Variants in PCDHGB7 observed in about 807,000 individuals in gnomAD.
PCDHGB7 encodes the protein protocadherin gamma-B7.
In PCDHGB7, 37 loss-of-function variants were observed where a neutral mutation model predicts 61.4. That is an observed-to-expected ratio of 0.60 (90% confidence interval 0.46 to 0.79). The LOEUF (loss-of-function observed/expected upper bound fraction) is 0.79. PCDHGB7 is among the 30% of genes least tolerant of loss of function. PCDHGB7 has a pLI of 0.00. For synonymous variants in PCDHGB7, 464 were observed against 503.5 expected, an observed-to-expected ratio of 0.92 and a Z score of 1.05; for missense variants, 1,166 against 1,202.5, an observed-to-expected ratio of 0.97 and a Z score of 0.45.
chr5:141,495,005 CG>C (rs2099758180), intron 2 of PCDHGB7, 140 bp downstream of exon 2: 2 of 1,522,694 alleles, frequency 1.3e-6, no homozygotes, highest in African/African-American at 1.4e-5. Context: ...TCTTGGTGTG[CG>C]GGGGGCTGGC....
Position 141,485,754 on chromosome 5 carries a change from T to A in PCDHGB7, c.2416-9053T>A, listed in dbSNP as rs770807249. ...AGCGACGGCAGCCTGGTCCCAGAGC[T>A]GCTCCTGGAGAAGCCTTTGGATCGA... On this transcript the variant is annotated intron_variant, in intron 1 of 3. Transcript: ENST00000398594. This position sits in a 1 kb window ranked among gnomAD's most constrained non-coding sequence, Gnocchi z 5.7. 1 of 1,614,236 alleles carries A rather than the reference T, an allele frequency of 6.2e-7. No individual in the cohort carries two copies. The highest frequency in any genetic ancestry group is 8.5e-7 in the Non-Finnish European group (1 of 1,180,044).
intron 1 of PCDHGB7, among the ~76,000 whole-genome samples, chr5:141,483,618 C>T (rs1441906179): frequency 6.6e-6 from 1 of 151,536 alleles, no homozygotes; most frequent in Non-Finnish European, 1.5e-5. Flanking sequence ...TCCATCATTC[C>T]CATGGGAGAA....
chr5:141,429,697 C>T (rs2097236349), intron 1 of PCDHGB7, among the ~76,000 whole-genome samples: 1 of 152,134 alleles, frequency 6.6e-6, no homozygotes, highest in African/African-American at 2.4e-5. Context: ...AATATCTTTA[C>T]AGTATAAATA....
intron 1 of PCDHGB7, among the ~76,000 whole-genome samples, chr5:141,469,187 G>T (rs147209381): frequency 5.9e-5 from 9 of 151,588 alleles, no homozygotes; most frequent in African/African-American, 1.9e-4. Context: ...GAGGCAAGAG[G>T]ATTGCTTGAG....
At position 141,489,193 on chromosome 5, in the gene PCDHGB7, G is replaced by A; in HGVS notation, c.2416-5614G>A. The A allele has an allele frequency of 2.2e-6, 3 of 1,369,230 alleles. No individual in the cohort carries two copies. Among genetic ancestry groups the A allele is most frequent in the Non-Finnish European group, 3.0e-6 (3 of 1,000,290 alleles). 84.8% of individuals were successfully genotyped at this position (1,369,230 alleles called of 1,614,324 possible). On this transcript the variant is annotated intron_variant, in intron 1 of 3. Coordinates refer to ENST00000398594, the MANE Select transcript of PCDHGB7 (RefSeq NM_018927.4). The surrounding 1 kb of genome is among the most constrained non-coding windows in gnomAD (Gnocchi z 4.5). ...GCATTCCAAGCCCTGGGTCTACCTT[G>A]GAGACAGGACAGCACAGACTTACTC...
chr5:141,486,019 T>C lies in PCDHGB7; in HGVS notation c.2416-8788T>C, dbSNP rs2078071. 3.2e-3 allele frequency: 5,143 copies of C among 1,613,986 alleles called. 141 individuals carry two copies. In the South Asian group the frequency reaches 0.046, roughly 14 times the overall value. ...GTGGTAACGTCACCTTTTATTTCAG[T>C]GGTCATACCCCTGATCGTGTAAGAA... On this transcript the variant is annotated intron_variant, in intron 1 of 3. Transcript: ENST00000398594. The surrounding 1 kb of genome is among the most constrained non-coding windows in gnomAD (Gnocchi z 5.0).
chr5:141,491,560 T>C lies in PCDHGB7; in HGVS notation c.2416-3247T>C. 1 of 1,613,986 alleles carries C rather than the reference T, an allele frequency of 6.2e-7. No homozygotes were observed. Among genetic ancestry groups the C allele is most frequent in the Non-Finnish European group, 8.5e-7 (1 of 1,180,026 alleles). ...GCCCACAGACTCGCAGAGCCACTGCTACAGGACGTGCTTTTCACCGGCCTC... is the reference window on the plus strand; with the variant it reads ...GCCCACAGACTCGCAGAGCCACTGCCACAGGACGTGCTTTTCACCGGCCTC... On this transcript the variant is annotated intron_variant, in intron 1 of 3. Coordinates refer to ENST00000398594, the MANE Select transcript of PCDHGB7 (RefSeq NM_018927.4). This position sits in a 1 kb window ranked among gnomAD's most constrained non-coding sequence, Gnocchi z 6.9.
chr5:141,499,414 T>C (rs543824206), intron 2 of PCDHGB7, among the ~76,000 whole-genome samples: 1 of 151,804 alleles, frequency 6.6e-6, no homozygotes, highest in Non-Finnish European at 1.5e-5. Context: ...TATAGAAACA[T>C]GAAAAATAGA....
chr5:141,430,707 C>T, intron 1 of PCDHGB7: 2 of 1,478,562 alleles, frequency 1.4e-6, no homozygotes, highest in Non-Finnish European at 9.0e-7. Flanking sequence ...GGAACTGCTC[C>T]TGACTTCAGT....
chr5:141,508,540 G>A (rs993826709), intron 3 of PCDHGB7, among the ~76,000 whole-genome samples: 3 of 152,144 alleles, frequency 2.0e-5, no homozygotes, highest in African/African-American at 4.8e-5. Flanking sequence ...CCCCCCACGA[G>A]GTGGGCGGGG....
intron 1 of PCDHGB7, chr5:141,427,830 C>G (rs749612858): frequency 7.8e-6 from 12 of 1,538,206 alleles, no homozygotes; most frequent in Non-Finnish European, 1.1e-5. Context: ...GGTCGCGCAG[C>G]GTGCCTTCGA....
chr5:141,489,776 C>T lies in PCDHGB7; in HGVS notation c.2416-5031C>T. The T allele has an allele frequency of 6.2e-7, 1 of 1,614,202 alleles. No homozygotes were observed. Among genetic ancestry groups the T allele is most frequent in the Non-Finnish European group, 8.5e-7 (1 of 1,180,020 alleles). On this transcript the variant is annotated intron_variant, in intron 1 of 3. Transcript: ENST00000398594. This position sits in a 1 kb window ranked among gnomAD's most constrained non-coding sequence, Gnocchi z 4.5. ...ACTCTAAGCCCCAACAGCCACTTCT[C>T]TCTGAATGTGAAGACCCTAAAAGAT...
In PCDHGB7 at chr5:141,490,706, T is replaced by C. The variant is rs777636562; in HGVS notation, c.2416-4101T>C. On this transcript the variant is annotated intron_variant, in intron 1 of 3. Coordinates refer to ENST00000398594, the MANE Select transcript of PCDHGB7 (RefSeq NM_018927.4). This position sits in a 1 kb window ranked among gnomAD's most constrained non-coding sequence, Gnocchi z 5.4. ...CCAGACACTGGGGATAATGCCCGCC[T>C]CACCTACTCCATTGTAGGAAATCAG... is the stretch of plus-strand genomic sequence containing the variant. The C allele has an allele frequency of 6.2e-7, 1 of 1,614,074 alleles. No homozygotes were observed. Among genetic ancestry groups the C allele is most frequent in the African/African-American group, 1.3e-5 (1 of 74,948 alleles).
At chr5:141,455,874 T>C (rs2098834969) in intron 1 of PCDHGB7, among the ~76,000 whole-genome samples, 1 of 146,458 alleles carries the variant, frequency 6.8e-6, no homozygotes, top group South Asian at 2.1e-4. Flanking sequence ...TTTATTTATT[T>C]ATTTATTTAT....
intron 1 of PCDHGB7, chr5:141,423,971 G>T: frequency 8.8e-7 from 1 of 1,136,014 alleles, no homozygotes; most frequent in Non-Finnish European, 1.1e-6. Context: ...TCTATTATCA[G>T]TGTATGAGGC....
At position 141,485,443 on chromosome 5, in the gene PCDHGB7, C is replaced by A. The variant is rs2099613637; in HGVS notation, c.2416-9364C>A. 5 of 1,614,054 alleles carry A rather than the reference C, an allele frequency of 3.1e-6. No individual in the cohort carries two copies. The East Asian group carries it at 6.7e-5, about 22-fold the overall frequency. ...GAGCCCTGCTCATCAAGAACCCAAT[C>A]GACCGAGAGGCACTGTGTGGGCTCA... On this transcript the variant is annotated intron_variant, in intron 1 of 3. Coordinates refer to ENST00000398594, the MANE Select transcript of PCDHGB7 (RefSeq NM_018927.4). This position sits in a 1 kb window ranked among gnomAD's most constrained non-coding sequence, Gnocchi z 5.7.
chr5:141,487,802 C>T lies in PCDHGB7; in HGVS notation c.2416-7005C>T, dbSNP rs765438219. The T allele has an allele frequency of 9.5e-6, 14 of 1,477,306 alleles. No individual in the cohort carries two copies. The South Asian group carries it at 1.7e-4, about 18-fold the overall frequency. 91.5% of individuals were successfully genotyped at this position (1,477,306 alleles called of 1,614,324 possible). A position where few individuals can be genotyped will look rare whatever the true frequency, so the allele number is the denominator to read the frequency against. ...TTTCGTGAATTAACCAGAGTTGTCACAGTTTAGCATTGGGGGCGGGTCATG... is the reference window on the plus strand; with the variant it reads ...TTTCGTGAATTAACCAGAGTTGTCATAGTTTAGCATTGGGGGCGGGTCATG... On this transcript the variant is annotated intron_variant, in intron 1 of 3. Transcript: ENST00000398594. The surrounding 1 kb of genome is among the most constrained non-coding windows in gnomAD (Gnocchi z 5.0).
intron 2 of PCDHGB7, among the ~76,000 whole-genome samples, chr5:141,500,779 T>C (rs1222392685): frequency 1.3e-5 from 2 of 152,238 alleles, no homozygotes; most frequent in Non-Finnish European, 2.9e-5. Context: ...TGAATATACA[T>C]ATTATTTTAC....
chr5:141,493,179 T>C lies in PCDHGB7; in HGVS notation c.2416-1628T>C, dbSNP rs1208502829. 6.6e-6 allele frequency among the ~76,000 whole-genome samples: 1 copy of C among 152,230 alleles called. No homozygotes were observed. Among genetic ancestry groups the C allele is most frequent in the Non-Finnish European group, 1.5e-5 (1 of 68,040 alleles). On this transcript the variant is annotated intron_variant, in intron 1 of 3. Coordinates refer to ENST00000398594, the MANE Select transcript of PCDHGB7 (RefSeq NM_018927.4). This position sits in a 1 kb window ranked among gnomAD's most constrained non-coding sequence, Gnocchi z 4.3. ...TGATAGCTGATTGAGAGAAACTTAC[T>C]ATATAACTCCTTTGAGAACCTCATC...
Sources: allele counts gnomAD v4.1 joint callset (sites outside exome capture counted in the v4.1 genomes callset), GRCh38; gene constraint gnomAD v4.1.1; non-coding constraint Gnocchi (gnomAD v3.1); transcripts MANE v1.5; gene names NCBI Gene and HGNC (gene_info 2026-07-23, HGNC 2026-07-21).